STK32B: variants seen among roughly 807,000 people sequenced by gnomAD.
STK32B encodes serine/threonine-protein kinase 32B.
STK32B carries 43 observed loss-of-function variants against 52.6 expected under a neutral mutation model. The ratio of observed to expected loss-of-function variants is 0.82; its 90% confidence interval spans 0.64 to 1.05. The LOEUF (loss-of-function observed/expected upper bound fraction) is 1.05. Among genes scored for constraint, STK32B ranks in the 50% least tolerant of loss-of-function variants. The pLI is 0.00. For synonymous variants in STK32B, 238 were observed against 204.3 expected, an observed-to-expected ratio of 1.17 and a Z score of -1.41; for missense variants, 621 against 534.6, an observed-to-expected ratio of 1.16 and a Z score of -1.59.
intron 9 of STK32B, among the ~76,000 whole-genome samples, chr4:5,465,165 C>T (rs1237272850): frequency 6.6e-6 from 1 of 152,164 alleles, no homozygotes; most frequent in East Asian, 1.9e-4. Context: ...GACTCCACTC[C>T]ATTAGCCCAC....
rs1741784308 is a variant in STK32B at position 5,051,627 on chromosome 4, G to C, written c.-237G>C. 2 of 519,048 alleles carry C rather than the reference G, an allele frequency of 3.9e-6. No homozygotes were observed. The highest frequency in any genetic ancestry group is 2.7e-5 in the South Asian group (1 of 37,190). 32.2% of individuals were successfully genotyped at this position (519,048 alleles called of 1,614,324 possible). A position where few individuals can be genotyped will look rare whatever the true frequency, so the allele number is the denominator to read the frequency against. The stretch of plus-strand genomic sequence containing the variant: ...AGGAGCTGCGAGCGCAGCCCGAGGC[G>C]GGGCACGGCGGAAGGCGCGGCGAGA... On this transcript the variant is annotated 5_prime_UTR_variant, in exon 1 of 12. Transcript: ENST00000282908.
At chr4:5,120,581 A>C (rs1263142389) in intron 1 of STK32B, among the ~76,000 whole-genome samples, 1 of 152,240 alleles carries the variant, frequency 6.6e-6, no homozygotes, top group Non-Finnish European at 1.5e-5. Flanking sequence ...AGTTTCAGGC[A>C]TCCAGTGGGA....
chr4:5,381,370 C>G (rs956346427), intron 4 of STK32B, among the ~76,000 whole-genome samples: 3 of 152,214 alleles, frequency 2.0e-5, no homozygotes, highest in Non-Finnish European at 4.4e-5. Context: ...AACCAGGTCT[C>G]TCTGATGCTG....
At chr4:5,466,231 A>C (rs1653320931) in intron 9 of STK32B, among the ~76,000 whole-genome samples, 1 of 151,866 alleles carries the variant, frequency 6.6e-6, no homozygotes, top group African/African-American at 2.4e-5. Context: ...GGGTCAGCTG[A>C]CTCTAGCTGC....
At chr4:5,482,751 G>T (rs888863196) in intron 11 of STK32B, among the ~76,000 whole-genome samples, 1 of 152,112 alleles carries the variant, frequency 6.6e-6, no homozygotes, top group Non-Finnish European at 1.5e-5. Context: ...ATTATTTTGA[G>T]ATATGTCCCA....
upstream of STK32B, among the ~76,000 whole-genome samples, chr4:5,047,640 T>C (rs1741644461): frequency 6.6e-6 from 1 of 152,060 alleles, no homozygotes; most frequent in Non-Finnish European, 1.5e-5. Context: ...AGCAAGACCC[T>C]GGGGACACAC....
At chr4:5,094,664 A>T (rs779505671) in intron 1 of STK32B, among the ~76,000 whole-genome samples, 4 of 152,172 alleles carry the variant, frequency 2.6e-5, no homozygotes, top group African/African-American at 9.7e-5. Context: ...CTATAAAAGA[A>T]TACAGTATAC....
intron 1 of STK32B, among the ~76,000 whole-genome samples, chr4:5,062,845 A>T (rs1742269006): frequency 6.6e-6 from 1 of 152,132 alleles, no homozygotes; most frequent in African/African-American, 2.4e-5. Context: ...AAATGGTAGC[A>T]TGTTTTATGT....
intron 5 of STK32B, among the ~76,000 whole-genome samples, chr4:5,404,829 T>G (rs1737548564): frequency 6.6e-6 from 1 of 151,816 alleles, no homozygotes; most frequent in South Asian, 2.1e-4. Context: ...GGGACTCAAT[T>G]AAATTCATAA....
intron 4 of STK32B, among the ~76,000 whole-genome samples, chr4:5,387,991 C>A (rs963700706): frequency 2.0e-5 from 3 of 152,094 alleles, no homozygotes. Context: ...TGATCCCGCC[C>A]GCCTCAGCCT....
chr4:5,434,995 A>G (rs1430595361), intron 6 of STK32B, among the ~76,000 whole-genome samples: 2 of 152,146 alleles, frequency 1.3e-5, no homozygotes, highest in African/African-American at 2.4e-5. Flanking sequence ...GGCCCTGAAC[A>G]TAGCCCCTAA....
intron 5 of STK32B, among the ~76,000 whole-genome samples, chr4:5,413,356 C>G (rs1711870960): frequency 6.6e-6 from 1 of 152,170 alleles, no homozygotes; most frequent in African/African-American, 2.4e-5. Flanking sequence ...TCAGTGGAAT[C>G]AGGCTTCAGG....
chr4:5,056,786 G>A lies in STK32B; in HGVS notation c.52+4871G>A, dbSNP rs1742023349. Among the ~76,000 whole-genome samples the A allele has an allele frequency of 2.6e-5, 4 of 152,198 alleles. 1 individual carries two copies. In the South Asian group the frequency reaches 6.2e-4, roughly 24 times the overall value. On this transcript the variant is annotated intron_variant, in intron 1 of 11. Coordinates refer to ENST00000282908, the MANE Select transcript of STK32B (RefSeq NM_018401.3). ...GGACTGTGTCACATGCCCACTTTTGGATTCAGGGGGTAGAGTCAGCTCCAC... is the reference window on the plus strand; with the variant it reads ...GGACTGTGTCACATGCCCACTTTTGAATTCAGGGGGTAGAGTCAGCTCCAC...
chr4:5,373,516 A>G (rs1368590149), intron 4 of STK32B, among the ~76,000 whole-genome samples: 1 of 152,320 alleles, frequency 6.6e-6, no homozygotes, highest in Non-Finnish European at 1.5e-5. Context: ...CAGGCCTTCA[A>G]CTGATCGGAC....
At chr4:5,343,332 C>T (rs1304985051) in intron 4 of STK32B, among the ~76,000 whole-genome samples, 1 of 152,042 alleles carries the variant, frequency 6.6e-6, no homozygotes, top group East Asian at 1.9e-4. Context: ...GCCACATTTT[C>T]TTCATCCAGT....
chr4:5,107,778 G>A (rs1284201733), intron 1 of STK32B, among the ~76,000 whole-genome samples: 1 of 152,132 alleles, frequency 6.6e-6, no homozygotes, highest in Non-Finnish European at 1.5e-5. Context: ...TGTCTTTACA[G>A]ATTCCAGTGT....
intron 1 of STK32B, among the ~76,000 whole-genome samples, chr4:5,090,629 C>T (rs1384279055): frequency 6.6e-6 from 1 of 152,128 alleles, no homozygotes; most frequent in African/African-American, 2.4e-5. Flanking sequence ...TCCCAAAGTG[C>T]TGGGATTACA....
intron 4 of STK32B, among the ~76,000 whole-genome samples, chr4:5,334,168 A>C: frequency 6.6e-6 from 1 of 151,876 alleles, no homozygotes. Context: ...AGTGGTTTGT[A>C]GTTCTCCTTG....
In STK32B at chr4:5,051,870, G is replaced by A; in HGVS notation, c.7G>A (p.Gly3Arg). The A allele has an allele frequency of 6.3e-7, 1 of 1,599,014 alleles. No homozygotes were observed. Reference sequence around the variant, plus strand: ...GCGGCAGCAACGGCGGAATATGGGCGGGAACCACTCCCACAAGCCCCCCGT... The same window carrying A: ...GCGGCAGCAACGGCGGAATATGGGCAGGAACCACTCCCACAAGCCCCCCGT... MG[G>R]NHSHKPPVFD... Residue 3 changes from glycine to arginine, a missense_variant, in exon 1 of 12, where the codon GGG becomes AGG. Physicochemically the swap from Gly to Arg is moderately radical, Grantham distance 125. Coordinates refer to ENST00000282908, the MANE Select transcript of STK32B (RefSeq NM_018401.3).
Sources: gnomAD v4.1 joint callset for allele counts (sites outside exome capture counted in the v4.1 genomes callset) on GRCh38, gnomAD v4.1.1 for gene constraint, MANE v1.5 for transcripts, NCBI Gene and HGNC (gene_info 2026-07-23, HGNC 2026-07-21) for gene names.